Variants in XKR6 observed in about 807,000 individuals in gnomAD.
XKR6 encodes the protein XK-related protein 6.
Under a neutral mutation model 56.7 loss-of-function variants are expected in XKR6, and 22 were observed. That is an observed-to-expected ratio of 0.39 (90% CI 0.28 to 0.55). The LOEUF (loss-of-function observed/expected upper bound fraction) is 0.55, where lower values mean the gene tolerates loss of function less well. XKR6 is among the 20% of genes least tolerant of loss of function. XKR6 has a pLI of 0.66. For synonymous variants in XKR6, 524 were observed against 387.8 expected, an observed-to-expected ratio of 1.35 and a Z score of -4.13; for missense variants, 852 against 889.0, an observed-to-expected ratio of 0.96 and a Z score of 0.53.
intron 1 of XKR6, among the ~76,000 whole-genome samples, chr8:11,009,092 G>C (rs1398428184): frequency 7.2e-6 from 1 of 138,954 alleles, no homozygotes; most frequent in East Asian, 2.7e-4. Context: ...TGTGTGGGGA[G>C]GGGGGTGGGA....
intron 1 of XKR6, among the ~76,000 whole-genome samples, chr8:10,989,508 G>T (rs1797939554): frequency 6.6e-6 from 1 of 152,216 alleles, no homozygotes; most frequent in African/African-American, 2.4e-5. Context: ...CAGGGAAGAA[G>T]AGAAAAGGAT....
intron 1 of XKR6, among the ~76,000 whole-genome samples, chr8:11,141,185 G>C (rs1257646571): frequency 2.6e-5 from 4 of 152,300 alleles, no homozygotes; most frequent in South Asian, 2.1e-4. Context: ...GGTAGTACTA[G>C]TACTGTTATT....
chr8:10,993,019 C>G (rs746062099), intron 1 of XKR6, among the ~76,000 whole-genome samples: 2 of 152,106 alleles, frequency 1.3e-5, no homozygotes, highest in Non-Finnish European at 2.9e-5. Flanking sequence ...GCAAACAACA[C>G]GGAGAAAGAG....
intron 1 of XKR6, chr8:11,104,864 T>C (rs1413534476): frequency 6.6e-6 from 1 of 152,216 alleles, no homozygotes; most frequent in Non-Finnish European, 1.5e-5. Context: ...AGTGGATCTT[T>C]GCGTTATGTG....
At chr8:11,152,608 A>G (rs2409714) in intron 1 of XKR6, among the ~76,000 whole-genome samples, 71,979 of 152,042 alleles carry the variant, frequency 0.47, 18,909 homozygotes, top group African/African-American at 0.68. Context: ...AATTTTGAAC[A>G]AAGATTCTCA....
chr8:11,134,741 G>C lies in XKR6; in HGVS notation c.764+65835C>G, dbSNP rs138088611. Among the ~76,000 whole-genome samples, 62 of 152,056 alleles carry C rather than the reference G, an allele frequency of 4.1e-4. No homozygotes were observed. In the East Asian group the frequency reaches 9.6e-3, roughly 24 times the overall value. ...AGCCCCAAAAGAAATTAACCTACCAGCGAAATAATCATGGACAATACTATA... is the reference window on the plus strand; with the variant it reads ...AGCCCCAAAAGAAATTAACCTACCACCGAAATAATCATGGACAATACTATA... On this transcript the variant is annotated intron_variant, in intron 1 of 2. Transcript: ENST00000416569.
intron 1 of XKR6, chr8:11,108,801 T>TC (rs1347051668): frequency 6.0e-6 from 1 of 167,432 alleles, no homozygotes; most frequent in East Asian, 1.8e-4. Context: ...GATTGGGGCT[T>TC]CCTGACACAT....
chr8:11,057,651 G>A lies in XKR6; in HGVS notation c.765-132821C>T, dbSNP rs577158349. Among the ~76,000 whole-genome samples, 28 of 152,330 alleles carry A rather than the reference G, an allele frequency of 1.8e-4. No homozygotes were observed. The South Asian group carries it at 5.8e-3, about 32-fold the overall frequency. ...CCTGTGTTGGGTGGAATGAAGGAAGGACCCAGGCTCCATTGGCGACTGTGT... is the reference window on the plus strand; with the variant it reads ...CCTGTGTTGGGTGGAATGAAGGAAGAACCCAGGCTCCATTGGCGACTGTGT... On this transcript the variant is annotated intron_variant, in intron 1 of 2. Coordinates refer to ENST00000416569, the MANE Select transcript of XKR6 (RefSeq NM_173683.4).
chr8:11,165,654 A>G (rs925007827), intron 1 of XKR6, among the ~76,000 whole-genome samples: 4 of 152,164 alleles, frequency 2.6e-5, no homozygotes, highest in Admixed American at 1.3e-4. Context: ...ATTAACTCTT[A>G]GACTGTACTC....
At chr8:11,141,010 C>T (rs1800669273) in intron 1 of XKR6, among the ~76,000 whole-genome samples, 1 of 151,268 alleles carries the variant, frequency 6.6e-6, no homozygotes, top group Middle Eastern at 3.5e-3. Flanking sequence ...AAACTGATTA[C>T]ACAGTTACTT....
chr8:11,176,871 G>A (rs1585020736), intron 1 of XKR6, among the ~76,000 whole-genome samples: 1 of 152,200 alleles, frequency 6.6e-6, no homozygotes, highest in African/African-American at 2.4e-5. Flanking sequence ...CTGGCAGCAA[G>A]ATGCCCCTGC....
intron 1 of XKR6, among the ~76,000 whole-genome samples, chr8:11,098,564 G>T (rs1184475102): frequency 6.6e-6 from 1 of 152,154 alleles, no homozygotes; most frequent in Non-Finnish European, 1.5e-5. Flanking sequence ...ATGCCGAAAA[G>T]CTTTCTCCAT....
At chr8:10,972,507 C>A (rs10099148) in intron 1 of XKR6, among the ~76,000 whole-genome samples, 8,461 of 152,226 alleles carry the variant, frequency 0.056, 701 homozygotes, top group African/African-American at 0.18. Flanking sequence ...TGAGCAAAAT[C>A]CTTATCATGG....
rs541693404 is a variant in XKR6, at chr8:11,045,622, T to C, written c.765-120792A>G. ...AGGGTTAAATTAAACAATGTGTGTA[T>C]AGTGCTGAGTGTTGCGGACAGCTCG... On this transcript the variant is annotated intron_variant, in intron 1 of 2. Transcript: ENST00000416569. 2.0e-5 allele frequency among the ~76,000 whole-genome samples: 3 copies of C among 152,340 alleles called. No individual in the cohort carries two copies. In the East Asian group the frequency reaches 5.8e-4, roughly 29 times the overall value.
intron 1 of XKR6, among the ~76,000 whole-genome samples, chr8:11,197,411 G>A (rs1378013039): frequency 6.6e-6 from 1 of 152,102 alleles, no homozygotes; most frequent in African/African-American, 2.4e-5. Flanking sequence ...AATGCAACAG[G>A]CAAACTAAAT....
chr8:11,184,380 T>TATAC (rs1304670500), intron 1 of XKR6, among the ~76,000 whole-genome samples: 4 of 128,848 alleles, frequency 3.1e-5, no homozygotes, highest in African/African-American at 1.4e-4. Context: ...TATATATATA[T>TATAC]ACACACATAC....
chr8:10,980,547 G>A (rs1210365448), intron 1 of XKR6, among the ~76,000 whole-genome samples: 1 of 152,180 alleles, frequency 6.6e-6, no homozygotes, highest in Non-Finnish European at 1.5e-5. Flanking sequence ...ATGTTGTATG[G>A]ATTATGATTG....
chr8:11,000,505 G>C (rs563280114), intron 1 of XKR6, among the ~76,000 whole-genome samples: 28 of 152,156 alleles, frequency 1.8e-4, no homozygotes, highest in Admixed American at 1.6e-3. Flanking sequence ...AGCCAGCATG[G>C]TGAAACCCCC....
intron 1 of XKR6, chr8:11,107,888 G>C (rs1798738502): frequency 4.8e-6 from 1 of 208,376 alleles, no homozygotes; most frequent in Non-Finnish European, 9.6e-6. Flanking sequence ...GTGGTATCCT[G>C]TCTCATGTAC....
Sources: gnomAD v4.1 joint callset for allele counts (sites outside exome capture counted in the v4.1 genomes callset) on GRCh38, gnomAD v4.1.1 for gene constraint, MANE v1.5 for transcripts, NCBI Gene and HGNC (gene_info 2026-07-23, HGNC 2026-07-21) for gene names.